The following USP32 variants were observed in gnomAD, a reference collection of about 807,000 sequenced individuals.
The protein encoded by USP32 is ubiquitin carboxyl-terminal hydrolase 32.
A neutral mutation model predicts 204.8 loss-of-function variants in USP32; 59 were observed. That is an observed-to-expected ratio of 0.29 (90% CI 0.23 to 0.36). USP32 has a LOEUF of 0.36. Ranked by LOEUF, USP32 falls within the 10% of genes least tolerant of loss-of-function variation. The pLI, the probability that USP32 is intolerant of heterozygous loss-of-function variation, is 1.00. For missense variants in USP32, 1,160 were observed against 1,946.4 expected (o/e 0.60, Z 7.60); for synonymous variants, 517 against 678.4 (o/e 0.76, Z 3.70).
At chr17:60,365,001 T>TATCTA (rs2089284962) in intron 1 of USP32, among the ~76,000 whole-genome samples, 1 of 152,236 alleles carries the variant, frequency 6.6e-6, no homozygotes, top group Non-Finnish European at 1.5e-5. Flanking sequence ...CTACTAGTAC[T>TATCTA]ATCTAAACCC....
intron 9 of USP32, among the ~76,000 whole-genome samples, chr17:60,262,914 G>A (rs2086489050): frequency 6.6e-6 from 1 of 151,588 alleles, no homozygotes; most frequent in Non-Finnish European, 1.5e-5. Flanking sequence ...AATTTACATG[G>A]TTCCCTTTCT....
chr17:60,275,520 C>A (rs1246206358), intron 5 of USP32, among the ~76,000 whole-genome samples: 2 of 152,010 alleles, frequency 1.3e-5, no homozygotes, highest in Non-Finnish European at 2.9e-5. Flanking sequence ...CACACACATA[C>A]CCCCACACCC....
intron 1 of USP32, among the ~76,000 whole-genome samples, chr17:60,385,095 G>GGTTA (rs2089707032): frequency 6.6e-6 from 1 of 152,172 alleles, no homozygotes; most frequent in African/African-American, 2.4e-5. Flanking sequence ...TGCCTTAACC[G>GGTTA]ATGACATTCC....
intron 1 of USP32, among the ~76,000 whole-genome samples, chr17:60,397,822 A>G (rs1212618239): frequency 6.6e-6 from 1 of 152,162 alleles, no homozygotes; most frequent in Non-Finnish European, 1.5e-5. Flanking sequence ...GGGCCTGCCT[A>G]CGTATAGGTA....
At chr17:60,416,245 T>C (rs916468393) in intron 1 of USP32, among the ~76,000 whole-genome samples, 2 of 152,194 alleles carry the variant, frequency 1.3e-5, no homozygotes, top group Non-Finnish European at 2.9e-5. Context: ...GCAGATTTCA[T>C]ATCTATGAGG....
chr17:60,304,329 A>G (rs2087667858), intron 2 of USP32, among the ~76,000 whole-genome samples: 1 of 152,028 alleles, frequency 6.6e-6, no homozygotes, highest in South Asian at 2.1e-4. Context: ...ATCTTTCAAA[A>G]AGAAAAGATA....
At chr17:60,226,334 G>A in intron 12 of USP32, 103 bp from the exon 13 acceptor site, 2 of 1,088,778 alleles carry the variant, frequency 1.8e-6, no homozygotes, top group East Asian at 3.0e-5. Flanking sequence ...TAAGTCTCCT[G>A]TGGTTGGCCA....
Position 60,241,887 on chromosome 17 carries a change from C to CT in USP32, c.1137-5648dup, listed in dbSNP as rs909450248. Among the ~76,000 whole-genome samples, 142 of 152,224 alleles carry CT rather than the reference C, an allele frequency of 9.3e-4. 1 individual carries two copies. Among genetic ancestry groups the CT allele is most frequent in the African/African-American group, 3.2e-3 (132 of 41,526 alleles). On this transcript the variant is annotated intron_variant, in intron 11 of 33. Transcript: ENST00000300896. ...TTTTTAATTTTTTCTAAGTCTTACA[C>CT]TTTTTTCCCCACTTATAAACTGTGC...
At chr17:60,216,157 G>A (rs2085096309) in intron 16 of USP32, among the ~76,000 whole-genome samples, 1 of 151,750 alleles carries the variant, frequency 6.6e-6, no homozygotes, top group African/African-American at 2.4e-5. Flanking sequence ...AAGGGCTAAA[G>A]GTAGAAACAA....
intron 26 of USP32, among the ~76,000 whole-genome samples, chr17:60,198,890 G>A (rs908577932): frequency 6.6e-6 from 1 of 152,202 alleles, no homozygotes; most frequent in African/African-American, 2.4e-5. Flanking sequence ...GAGGCAAGAG[G>A]ATCCCTTGAG....
chr17:60,297,230 C>G (rs112859538), intron 3 of USP32, among the ~76,000 whole-genome samples: 3,263 of 152,072 alleles, frequency 0.021, 138 homozygotes, highest in African/African-American at 0.075. Context: ...AGACCCCTAT[C>G]TCTACAAAAA....
Position 60,400,647 on chromosome 17 carries a change from A to G in USP32, c.106+21599T>C, listed in dbSNP as rs186964049. ...AAGTGGATAGGTTAAATAGAGAGTT[A>G]GATATTTAACTCTGAAGTTAGAAAA... On this transcript the variant is annotated intron_variant, in intron 1 of 3. Transcript: ENST00000588898. Among the ~76,000 whole-genome samples the G allele has an allele frequency of 2.0e-5, 3 of 152,342 alleles. No homozygotes were observed. The East Asian group carries it at 5.8e-4, about 29-fold the overall frequency.
At chr17:60,421,611 G>A (rs1165612545) in intron 1 of USP32, 11 of 980,968 alleles carry the variant, frequency 1.1e-5, no homozygotes, top group Non-Finnish European at 1.3e-5. Flanking sequence ...ACGGTCTCTC[G>A]TCGCCGGGAC....
intron 1 of USP32, among the ~76,000 whole-genome samples, chr17:60,412,865 A>G (rs1477847977): frequency 1.3e-5 from 2 of 152,234 alleles, no homozygotes; most frequent in African/African-American, 4.8e-5. Flanking sequence ...AACCTTCCAG[A>G]AAGAGCCAAG....
At chr17:60,377,562 T>C (rs1268998043) in intron 1 of USP32, among the ~76,000 whole-genome samples, 1 of 152,220 alleles carries the variant, frequency 6.6e-6, no homozygotes, top group African/African-American at 2.4e-5. Flanking sequence ...CTACCTGCTG[T>C]CGTCTGTGTA....
intron 16 of USP32, among the ~76,000 whole-genome samples, chr17:60,218,765 A>C (rs983410250): frequency 7.9e-5 from 12 of 152,008 alleles, no homozygotes; most frequent in African/African-American, 2.9e-4. Flanking sequence ...CGCCCAGCTA[A>C]TTTTTGTGTT....
At chr17:60,258,334 G>T in intron 9 of USP32, 1 of 187,578 alleles carries the variant, frequency 5.3e-6, no homozygotes, top group Admixed American at 5.9e-5. Flanking sequence ...AAACTGGGAA[G>T]CTCAACAACG....
chr17:60,386,290 G>C (rs1346098056), intron 1 of USP32, among the ~76,000 whole-genome samples: 2 of 149,832 alleles, frequency 1.3e-5, no homozygotes, highest in East Asian at 4.0e-4. Context: ...CCCGGATACA[G>C]TATAAAAAGA....
At chr17:60,222,592 A>C in intron 14 of USP32, 43 bp from the exon 15 acceptor site, 1 of 1,598,910 alleles carries the variant, frequency 6.3e-7, no homozygotes, top group Non-Finnish European at 8.5e-7. Flanking sequence ...CAATATTACA[A>C]AAGTTTTTGG....
Sources: allele counts gnomAD v4.1 joint callset (sites outside exome capture counted in the v4.1 genomes callset), GRCh38; gene constraint gnomAD v4.1.1; transcripts MANE v1.5; gene names NCBI Gene and HGNC (gene_info 2026-07-23, HGNC 2026-07-21).